The following ERC2 variants were observed in gnomAD, a reference collection of about 807,000 sequenced individuals.
The protein encoded by ERC2 is ERC protein 2.
In ERC2, 42 loss-of-function variants were observed where a neutral mutation model predicts 114.8. That is an observed-to-expected ratio of 0.37 (90% confidence interval 0.29 to 0.47). The LOEUF is 0.47. ERC2 is among the 20% of genes least tolerant of loss of function. The probability of loss-of-function intolerance (pLI) is 0.99; values close to 1 mark genes in which losing one functional copy is unlikely to be tolerated. For missense variants in ERC2, 939 were observed against 1,150.7 expected (o/e 0.82, Z 2.66); for synonymous variants, 454 against 425.5 (o/e 1.07, Z -0.82).
At chr3:56,413,947 T>C (rs1215618527) in intron 2 of ERC2, among the ~76,000 whole-genome samples, 1 of 152,152 alleles carries the variant, frequency 6.6e-6, no homozygotes, top group Non-Finnish European at 1.5e-5. Context: ...TACCCCAATA[T>C]AAAAATCCAA....
chr3:56,186,278 G>C (rs940830546), intron 3 of ERC2, among the ~76,000 whole-genome samples: 2 of 152,042 alleles, frequency 1.3e-5, no homozygotes, highest in Non-Finnish European at 2.9e-5. Context: ...CTAAACATGT[G>C]GTAATTTGTC....
chr3:56,285,844 A>C (rs2054662899), intron 3 of ERC2, among the ~76,000 whole-genome samples: 1 of 152,192 alleles, frequency 6.6e-6, no homozygotes, highest in Non-Finnish European at 1.5e-5. Context: ...AAGTGTCAAT[A>C]AACACAGGTA....
At position 56,290,928 on chromosome 3, in the gene ERC2, C is replaced by T. The variant is rs2055044602; in HGVS notation, c.1074+5091G>A. ...TGTGGCCTGTAAAGACTTGGGTGCT[C>T]TTCTGGCCCTGCTACCAAAGAAGGG... is the stretch of plus-strand genomic sequence containing the variant. On this transcript the variant is annotated intron_variant, in intron 3 of 17. Transcript: ENST00000288221. 2.0e-5 allele frequency among the ~76,000 whole-genome samples: 3 copies of T among 152,186 alleles called. No homozygotes were observed. In the South Asian group the frequency reaches 6.2e-4, roughly 32 times the overall value.
At chr3:56,182,662 T>C (rs1048336058) in intron 3 of ERC2, among the ~76,000 whole-genome samples, 7 of 152,220 alleles carry the variant, frequency 4.6e-5, no homozygotes, top group African/African-American at 1.2e-4. Flanking sequence ...TGAACTGTAC[T>C]GCAGAAATTT....
At chr3:56,368,175 CT>C (rs750386743) in intron 2 of ERC2, among the ~76,000 whole-genome samples, 14 of 135,046 alleles carry the variant, frequency 1.0e-4, no homozygotes, top group African/African-American at 3.2e-4. Context: ...TGAAATTATT[CT>C]TTTTTTTTTA....
At chr3:56,307,185 C>T (rs2056279289) in intron 2 of ERC2, among the ~76,000 whole-genome samples, 1 of 152,238 alleles carries the variant, frequency 6.6e-6, no homozygotes, top group Non-Finnish European at 1.5e-5. Flanking sequence ...AATGTCTGCA[C>T]ATGGCTCCTA....
chr3:56,386,697 T>C (rs2059945742), intron 2 of ERC2, among the ~76,000 whole-genome samples: 1 of 152,180 alleles, frequency 6.6e-6, no homozygotes, highest in Non-Finnish European at 1.5e-5. Flanking sequence ...ACCTTAGTAA[T>C]TGGCTCTGCA....
At chr3:55,573,804 T>C (rs1250842741) in intron 17 of ERC2, among the ~76,000 whole-genome samples, 1 of 152,080 alleles carries the variant, frequency 6.6e-6, no homozygotes, top group African/African-American at 2.4e-5. Context: ...AACACACTTT[T>C]CTGGAGTGAT....
chr3:56,200,448 G>A (rs2048347205), intron 3 of ERC2, among the ~76,000 whole-genome samples: 1 of 151,922 alleles, frequency 6.6e-6, no homozygotes, highest in Admixed American at 6.6e-5. Flanking sequence ...TCCCACCAGG[G>A]CCACCCTCAC....
At chr3:55,713,703 C>T (rs968185024) in intron 15 of ERC2, among the ~76,000 whole-genome samples, 94 of 152,180 alleles carry the variant, frequency 6.2e-4, no homozygotes, top group African/African-American at 2.2e-3. Flanking sequence ...CTTGTACATG[C>T]TGGCAGGTCA....
intron 12 of ERC2, among the ~76,000 whole-genome samples, chr3:55,970,207 A>G (rs1375082177): frequency 2.0e-5 from 3 of 152,212 alleles, no homozygotes; most frequent in African/African-American, 7.2e-5. Flanking sequence ...TGTAAACAAC[A>G]TGTTTAATTA....
chr3:56,151,382 AT>A (rs758873093), intron 4 of ERC2, among the ~76,000 whole-genome samples: 2 of 152,142 alleles, frequency 1.3e-5, no homozygotes, highest in Non-Finnish European at 2.9e-5. Flanking sequence ...TTCTGTTCTT[AT>A]ATAACAAGTC....
At chr3:55,677,695 C>T (rs920315272) in intron 17 of ERC2, among the ~76,000 whole-genome samples, 1 of 152,170 alleles carries the variant, frequency 6.6e-6, no homozygotes, top group Non-Finnish European at 1.5e-5. Flanking sequence ...GTTAGCCACC[C>T]CACCATAGAT....
chr3:56,193,575 T>C (rs1298142811), intron 3 of ERC2, among the ~76,000 whole-genome samples: 1 of 152,172 alleles, frequency 6.6e-6, no homozygotes, highest in Non-Finnish European at 1.5e-5. Flanking sequence ...TTTTCAAGTT[T>C]CTTTTTTGTA....
chr3:55,935,266 A>T (rs1414618057), intron 13 of ERC2, among the ~76,000 whole-genome samples: 1 of 152,194 alleles, frequency 6.6e-6, no homozygotes, highest in Admixed American at 6.5e-5. Context: ...AAAGCTTTTG[A>T]GTAATAGTCG....
chr3:55,509,940 C>T lies in ERC2; in HGVS notation c.*1376G>A, dbSNP rs1017460478. 3 of 152,582 alleles carry T rather than the reference C, an allele frequency of 2.0e-5. No individual in the cohort carries two copies. The highest frequency in any genetic ancestry group is 6.5e-5 in the Admixed American group (1 of 15,286). 9.5% of individuals were successfully genotyped at this position (152,582 alleles called of 1,614,324 possible). A position where few individuals can be genotyped will look rare whatever the true frequency, so the allele number is the denominator to read the frequency against. On this transcript the variant is annotated 3_prime_UTR_variant, in exon 18 of 18. Transcript: ENST00000288221. ...CACGTGGAAGGGTTTCTTCCATTGACAAGAAAATGGAGCAATACAAGAGTT... is the reference window on the plus strand; with the variant it reads ...CACGTGGAAGGGTTTCTTCCATTGATAAGAAAATGGAGCAATACAAGAGTT...
chr3:55,670,177 TGC>T (rs1259694504), intron 17 of ERC2, among the ~76,000 whole-genome samples: 1 of 152,234 alleles, frequency 6.6e-6, no homozygotes. Flanking sequence ...TTAAATATTG[TGC>T]CCAAGGTCAC....
intron 13 of ERC2, among the ~76,000 whole-genome samples, chr3:55,893,694 A>G (rs1410493483): frequency 6.6e-6 from 1 of 151,528 alleles, no homozygotes. Context: ...TTCCTCTTTT[A>G]TTTTCCATTC....
At chr3:55,950,270 C>T (rs558514939) in intron 13 of ERC2, among the ~76,000 whole-genome samples, 155 bp downstream of exon 13, 115 of 152,272 alleles carry the variant, frequency 7.6e-4, no homozygotes, top group African/African-American at 2.6e-3. Context: ...GATGACCCTC[C>T]CTGGGAAAGA....
Sources: gnomAD v4.1 joint callset for allele counts (sites outside exome capture counted in the v4.1 genomes callset) on GRCh38, gnomAD v4.1.1 for gene constraint, MANE v1.5 for transcripts, NCBI Gene and HGNC (gene_info 2026-07-23, HGNC 2026-07-21) for gene names.